The following UNC5C variants were observed in gnomAD, a reference collection of about 807,000 sequenced individuals.
UNC5C encodes the protein unc-5 netrin receptor C.
UNC5C carries 47 observed loss-of-function variants against 99.8 expected under a neutral mutation model. The observed-to-expected ratio is 0.47, with a 90% CI of 0.37 to 0.60. The LOEUF (loss-of-function observed/expected upper bound fraction) is 0.60, where lower values mean the gene tolerates loss of function less well. Among genes scored for constraint, UNC5C ranks in the 20% least tolerant of loss-of-function variants. The pLI is 0.00. For synonymous variants in UNC5C, 487 were observed against 452.2 expected (o/e 1.08, Z -0.98); for missense variants, 1,062 against 1,165.9 (o/e 0.91, Z 1.30).
At chr4:95,296,999 T>G (rs1204766326) in intron 3 of UNC5C, among the ~76,000 whole-genome samples, 1 of 152,164 alleles carries the variant, frequency 6.6e-6, no homozygotes, top group Non-Finnish European at 1.5e-5. Flanking sequence ...CCCTCAGTGG[T>G]GCAGAGCTGA....
chr4:95,384,659 G>A (rs1387361034), intron 1 of UNC5C, among the ~76,000 whole-genome samples: 1 of 152,026 alleles, frequency 6.6e-6, no homozygotes, highest in Non-Finnish European at 1.5e-5. Context: ...TTTTTCAGGG[G>A]GAAAATGACA....
At chr4:95,371,428 G>T (rs919847378) in intron 1 of UNC5C, among the ~76,000 whole-genome samples, 1 of 62,456 alleles carries the variant, frequency 1.6e-5, no homozygotes, top group Non-Finnish European at 2.8e-5. Context: ...TTTTGTGGGG[G>T]GGGGGGAGTA....
intron 1 of UNC5C, among the ~76,000 whole-genome samples, chr4:95,446,895 C>T (rs182075147): frequency 6.6e-6 from 1 of 152,274 alleles, no homozygotes; most frequent in Admixed American, 6.5e-5. Context: ...CTTGGCTATC[C>T]ATGCACAAGG....
At chr4:95,206,249 T>C (rs189419797) in intron 11 of UNC5C, among the ~76,000 whole-genome samples, 48 of 152,038 alleles carry the variant, frequency 3.2e-4, no homozygotes, top group African/African-American at 1.7e-4. Context: ...TCCGCCTGCA[T>C]TGGCCTCCCA....
chr4:95,371,974 A>G (rs1579365457), intron 1 of UNC5C, among the ~76,000 whole-genome samples: 1 of 152,306 alleles, frequency 6.6e-6, no homozygotes, highest in East Asian at 1.9e-4. Flanking sequence ...AGCCAGCCCC[A>G]GAGCCAGGAC....
intron 2 of UNC5C, among the ~76,000 whole-genome samples, chr4:95,326,351 G>GA (rs925748912): frequency 6.6e-6 from 1 of 151,272 alleles, no homozygotes; most frequent in Non-Finnish European, 1.5e-5. Context: ...TCTTCATAGA[G>GA]AAAAAAATAT....
chr4:95,281,058 A>G (rs1741040724), intron 3 of UNC5C, among the ~76,000 whole-genome samples: 1 of 152,188 alleles, frequency 6.6e-6, no homozygotes, highest in Non-Finnish European at 1.5e-5. Context: ...ATGAGCTTCA[A>G]TGTTCTTGAC....
chr4:95,351,813 G>A (rs940841639), intron 1 of UNC5C, among the ~76,000 whole-genome samples: 12 of 152,044 alleles, frequency 7.9e-5, no homozygotes, highest in Non-Finnish European at 1.6e-4. Flanking sequence ...ACTCTAATAC[G>A]TGTTGTGAAT....
At chr4:95,197,473 AAAC>A (rs1737476980) in intron 12 of UNC5C, among the ~76,000 whole-genome samples, 2 of 152,176 alleles carry the variant, frequency 1.3e-5, no homozygotes, top group Admixed American at 1.3e-4. Context: ...ATTAAAGCAC[AAAC>A]AAGGAAGCAG....
At chr4:95,283,867 A>G (rs2149396487) in intron 3 of UNC5C, among the ~76,000 whole-genome samples, 1 of 152,372 alleles carries the variant, frequency 6.6e-6, no homozygotes, top group Admixed American at 6.5e-5. Context: ...CTTGGCATGC[A>G]TCTAATTTAG....
In UNC5C at chr4:95,351,191, T is replaced by C. The variant is rs749201166; in HGVS notation, c.125-15560A>G. Reference sequence around the variant, plus strand: ...AGCCCTTGCTAACCTCTCCCTTTGCTCCTTGCTGTTTTCCTGGTTCACTTT... The same window carrying C: ...AGCCCTTGCTAACCTCTCCCTTTGCCCCTTGCTGTTTTCCTGGTTCACTTT... On this transcript the variant is annotated intron_variant, in intron 1 of 15. Transcript: ENST00000453304. Among the ~76,000 whole-genome samples, 5 of 152,100 alleles carry C rather than the reference T, an allele frequency of 3.3e-5. No individual in the cohort carries two copies. The East Asian group carries it at 9.7e-4, about 29-fold the overall frequency.
At chr4:95,256,599 C>A (rs1212933900) in intron 4 of UNC5C, among the ~76,000 whole-genome samples, 2 of 151,400 alleles carry the variant, frequency 1.3e-5, no homozygotes, top group Middle Eastern at 6.8e-3. Context: ...GAAAACTCAA[C>A]TGTCTATTTT....
At chr4:95,542,835 T>C (rs1187595454) in intron 1 of UNC5C, among the ~76,000 whole-genome samples, 2 of 152,124 alleles carry the variant, frequency 1.3e-5, no homozygotes, top group Non-Finnish European at 2.9e-5. Flanking sequence ...CTATTTCTGA[T>C]CTTGTTAGCT....
chr4:95,223,509 G>A (rs1322337618), intron 7 of UNC5C, among the ~76,000 whole-genome samples: 2 of 152,184 alleles, frequency 1.3e-5, no homozygotes, highest in Non-Finnish European at 2.9e-5. Flanking sequence ...ACCTATTTGG[G>A]GGAACTAATT....
chr4:95,447,218 C>G (rs1024064267), intron 1 of UNC5C, among the ~76,000 whole-genome samples: 2 of 152,088 alleles, frequency 1.3e-5, no homozygotes, highest in African/African-American at 4.8e-5. Context: ...TATTCAATTA[C>G]TATTCTAGAT....
chr4:95,347,423 G>T (rs1401192968), intron 1 of UNC5C, among the ~76,000 whole-genome samples: 3 of 151,840 alleles, frequency 2.0e-5, no homozygotes, highest in African/African-American at 4.8e-5. Flanking sequence ...AATTTACATG[G>T]AACCACAACA....
chr4:95,176,250 G>T (rs1736337997), intron 14 of UNC5C, among the ~76,000 whole-genome samples: 1 of 152,224 alleles, frequency 6.6e-6, no homozygotes, highest in Admixed American at 6.5e-5. Flanking sequence ...GCTCGTCAAG[G>T]TCATTCCCTG....
At chr4:95,490,067 C>T (rs1311181658) in intron 1 of UNC5C, among the ~76,000 whole-genome samples, 2 of 151,364 alleles carry the variant, frequency 1.3e-5, no homozygotes, top group Non-Finnish European at 3.0e-5. Context: ...GTCCTGAGGC[C>T]TGGACACTTA....
At chr4:95,176,647 C>T (rs1394855450) in intron 14 of UNC5C, among the ~76,000 whole-genome samples, 1 of 152,230 alleles carries the variant, frequency 6.6e-6, no homozygotes, top group African/African-American at 2.4e-5. Flanking sequence ...CTCTTCAAAG[C>T]TGTCTGACAG....
Sources: allele counts gnomAD v4.1 joint callset (sites outside exome capture counted in the v4.1 genomes callset), GRCh38; gene constraint gnomAD v4.1.1; transcripts MANE v1.5; gene names NCBI Gene and HGNC (gene_info 2026-07-23, HGNC 2026-07-21).